PRKCH: variants seen among roughly 807,000 people sequenced by gnomAD.
PRKCH encodes the protein protein kinase C eta type.
In PRKCH, 28 loss-of-function variants were observed where a neutral mutation model predicts 82.5. The observed-to-expected ratio is 0.34, with a 90% CI of 0.25 to 0.47. The LOEUF is 0.47. Among genes scored for constraint, PRKCH ranks in the 20% least tolerant of loss-of-function variants. The pLI is 1.00. For synonymous variants in PRKCH, 322 were observed against 327.4 expected, an observed-to-expected ratio of 0.98 and a Z score of 0.18; for missense variants, 705 against 881.8, an observed-to-expected ratio of 0.80 and a Z score of 2.54.
At chr14:61,329,477 C>G (rs1467768514) in intron 1 of PRKCH, among the ~76,000 whole-genome samples, 1 of 152,054 alleles carries the variant, frequency 6.6e-6, no homozygotes, top group Non-Finnish European at 1.5e-5. Context: ...TTCAGGTGAT[C>G]CGCCCGCCTT....
chr14:61,549,217 C>T (rs1447990557), intron 13 of PRKCH, among the ~76,000 whole-genome samples: 1 of 152,206 alleles, frequency 6.6e-6, no homozygotes, highest in African/African-American at 2.4e-5. Context: ...TCCCTAAGCT[C>T]AGCACTTGCA....
chr14:61,236,729 AAAG>A (rs1179382807), intron 1 of PRKCH, among the ~76,000 whole-genome samples: 4 of 150,624 alleles, frequency 2.7e-5, no homozygotes, highest in South Asian at 4.2e-4. Flanking sequence ...AAAAAAAAAA[AAAG>A]AAAAGAAATG....
chr14:61,356,884 G>A (rs928018193), intron 1 of PRKCH, among the ~76,000 whole-genome samples: 2 of 152,114 alleles, frequency 1.3e-5, no homozygotes, highest in Non-Finnish European at 2.9e-5. Flanking sequence ...GTTTCGCCAT[G>A]TTGGCCAGGC....
intron 2 of PRKCH, among the ~76,000 whole-genome samples, chr14:61,432,195 C>T (rs1883436529): frequency 6.6e-6 from 1 of 152,076 alleles, no homozygotes. Flanking sequence ...TAACTCCAGT[C>T]ACTTTCCTCC....
chr14:61,218,039 C>A (rs180675770), intron 1 of PRKCH, among the ~76,000 whole-genome samples: 1 of 152,120 alleles, frequency 6.6e-6, no homozygotes, highest in Non-Finnish European at 1.5e-5. Flanking sequence ...TGGAACTACT[C>A]GGACCCGGCG....
chr14:61,484,793 A>C (rs1007094767), intron 9 of PRKCH, among the ~76,000 whole-genome samples: 5 of 123,508 alleles, frequency 4.0e-5, no homozygotes, highest in African/African-American at 1.7e-4. Flanking sequence ...TGGAAGAAGG[A>C]GTCTTACTCC....
rs1491304992 is a variant in PRKCH, at chr14:61,529,005, T to TGTGTGTGTGC, written c.1434-69_1434-68insTGTGTGTGCG. 4.4e-4 allele frequency: 648 copies of TGTGTGTGTGC among 1,460,536 alleles called. 13 individuals are homozygous for TGTGTGTGTGC. In the African/African-American group the frequency reaches 8.2e-3, roughly 19 times the overall value. The allele number at this position is 1,460,536 out of a possible 1,614,324, so 90.5% of individuals were successfully genotyped here. A position where few individuals can be genotyped will look rare whatever the true frequency, so the allele number is the denominator to read the frequency against. On this transcript the variant is annotated intron_variant, in intron 10 of 13. Coordinates refer to ENST00000332981, the MANE Select transcript of PRKCH (RefSeq NM_006255.5). ...GTGTGTGTGTGTGTGTGTGTGTGTG[T>TGTGTGTGTGC]GCCCATTCTGAGAGGTGGATGGTTT...
intron 10 of PRKCH, among the ~76,000 whole-genome samples, chr14:61,522,329 A>G (rs1172491467): frequency 6.6e-6 from 1 of 152,116 alleles, no homozygotes; most frequent in Non-Finnish European, 1.5e-5. Context: ...TGTAAAATCG[A>G]AAATCTAATG....
Position 61,547,866 on chromosome 14 carries a change from C to A in PRKCH, c.1885C>A (p.Pro629Thr). 6.2e-7 allele frequency: 1 copy of A among 1,613,958 alleles called. No individual in the cohort carries two copies. Among genetic ancestry groups the A allele is most frequent in the Middle Eastern group, 1.6e-4 (1 of 6,062 alleles). The change falls in exon 13 of 14, where the codon CCG (proline) becomes ACG (threonine). Residue 629 changes from proline (P) to threonine (T), a missense_variant. Pro to Thr is a conservative substitution (Grantham distance 38). Around this residue, in one of 5 missense-constraint regions of PRKCH, gnomAD observed 91 missense variants for 81.2 expected, o/e 1.12. Coordinates refer to ENST00000332981, the MANE Select transcript of PRKCH (RefSeq NM_006255.5). Reference sequence around the variant, plus strand: ...CCAGCTGAACCATCGCCAAATAGAACCGCCTTTCAGACCCAGAATCGTAAG... The same window carrying A: ...CCAGCTGAACCATCGCCAAATAGAAACGCCTTTCAGACCCAGAATCGTAAG... ...WAQLNHRQIE[P>T]PFRPRIKSRE... is the part of the protein sequence containing the mutation.
At chr14:61,242,397 A>G (rs1462669278) in intron 1 of PRKCH, among the ~76,000 whole-genome samples, 3 of 152,104 alleles carry the variant, frequency 2.0e-5, no homozygotes, top group African/African-American at 7.2e-5. Flanking sequence ...TACACTGCAT[A>G]TGTTTGTTTG....
At chr14:61,463,049 A>C (rs767642764) in intron 9 of PRKCH, 1 of 152,212 alleles carries the variant, frequency 6.6e-6, no homozygotes, top group Non-Finnish European at 1.5e-5. Context: ...CAATATGGAA[A>C]TGGCATTGCC....
At chr14:61,514,314 TAAAAAA>T (rs546556676) in intron 10 of PRKCH, among the ~76,000 whole-genome samples, 1 of 132,132 alleles carries the variant, frequency 7.6e-6, no homozygotes, top group Non-Finnish European at 1.6e-5. Context: ...TCTTCTCCTT[TAAAAAA>T]AAAAAAAAAA....
intron 1 of PRKCH, among the ~76,000 whole-genome samples, chr14:61,275,643 T>C (rs1164096274): frequency 2.0e-5 from 3 of 152,184 alleles, no homozygotes; most frequent in Non-Finnish European, 2.9e-5. Context: ...TCAAAGCCCT[T>C]GTCATCAATG....
intron 9 of PRKCH, among the ~76,000 whole-genome samples, chr14:61,473,867 C>T (rs1472136147): frequency 6.6e-6 from 1 of 151,998 alleles, no homozygotes; most frequent in Admixed American, 6.6e-5. Context: ...GTGGCACGCA[C>T]CTGTAATCCC....
chr14:61,327,289 C>A, intron 1 of PRKCH: 1 of 333,916 alleles, frequency 3.0e-6, no homozygotes, highest in South Asian at 2.3e-5. Context: ...TGAATTTATA[C>A]CACCAAAATT....
chr14:61,323,580 T>C (rs933314455), intron 1 of PRKCH, among the ~76,000 whole-genome samples: 1 of 152,206 alleles, frequency 6.6e-6, no homozygotes, highest in Non-Finnish European at 1.5e-5. Context: ...CTCATTTAGG[T>C]ATTTATTTTA....
chr14:61,218,015 A>G (rs1448907313), intron 1 of PRKCH, among the ~76,000 whole-genome samples: 1 of 152,164 alleles, frequency 6.6e-6, no homozygotes, highest in Admixed American at 6.5e-5. Context: ...GTTCATGGTC[A>G]GTAGACATGA....
In PRKCH at chr14:61,498,380, A is replaced by T. The variant is rs568847741; in HGVS notation, c.1433+12724A>T. Among the ~76,000 whole-genome samples the T allele has an allele frequency of 5.3e-5, 8 of 152,176 alleles. No homozygotes were observed. In the South Asian group the frequency reaches 1.5e-3, roughly 28 times the overall value. ...TTCAACATGATGTCAGAAATTGGTA[A>T]CCTGCTGTTTTATCAGTTAAGTTCT... On this transcript the variant is annotated intron_variant, in intron 10 of 13. Transcript: ENST00000332981.
chr14:61,456,968 C>G (rs1884795255), intron 7 of PRKCH: 1 of 536,540 alleles, frequency 1.9e-6, no homozygotes, highest in Non-Finnish European at 3.3e-6. Flanking sequence ...TTTTAATTGA[C>G]CTTTTACACA....
Sources: allele counts gnomAD v4.1 joint callset (sites outside exome capture counted in the v4.1 genomes callset), GRCh38; gene constraint gnomAD v4.1.1; regional missense constraint gnomAD v4.1.1; transcripts MANE v1.5; gene names NCBI Gene and HGNC (gene_info 2026-07-23, HGNC 2026-07-21).